The following CDH18 variants were observed in gnomAD, a reference collection of about 807,000 sequenced individuals.
The protein encoded by CDH18 is cadherin-18.
A neutral mutation model predicts 67.9 loss-of-function variants in CDH18; 31 were observed. The observed-to-expected ratio is 0.46, with a 90% CI of 0.34 to 0.62. The LOEUF (loss-of-function observed/expected upper bound fraction) is 0.62, where lower values mean the gene tolerates loss of function less well. CDH18 is among the 20% of genes least tolerant of loss of function. The probability of loss-of-function intolerance (pLI) is 0.01; values close to 1 mark genes in which losing one functional copy is unlikely to be tolerated. For synonymous variants in CDH18, 362 were observed against 347.2 expected (o/e 1.04, Z -0.48); for missense variants, 890 against 975.5 (o/e 0.91, Z 1.17).
At chr5:20,231,170 A>G (rs1394064945) in intron 2 of CDH18, among the ~76,000 whole-genome samples, 1 of 152,194 alleles carries the variant, frequency 6.6e-6, no homozygotes, top group Non-Finnish European at 1.5e-5. Flanking sequence ...TGTATAAGTG[A>G]TAAATTTTAT....
At chr5:20,205,712 C>T (rs1387606250) in intron 2 of CDH18, among the ~76,000 whole-genome samples, 1 of 151,726 alleles carries the variant, frequency 6.6e-6, no homozygotes, top group Non-Finnish European at 1.5e-5. Context: ...CAAAAGGAAA[C>T]TCAGAAACTA....
At position 19,859,989 on chromosome 5, in the gene CDH18, GGTGTGTGTGTGTGT is replaced by G. The variant is rs3065070; in HGVS notation, c.-256-20761_-256-20748del. Among the ~76,000 whole-genome samples, 5 of 143,148 alleles carry G rather than the reference GGTGTGTGTGTGTGT, an allele frequency of 3.5e-5. No homozygotes were observed. In the Admixed American group the frequency reaches 3.5e-4, roughly 10 times the overall value. 93.9% of individuals were successfully genotyped at this position (143,148 alleles called of 152,430 possible). A position where few individuals can be genotyped will look rare whatever the true frequency, so the allele number is the denominator to read the frequency against. On this transcript the variant is annotated intron_variant, in intron 2 of 12. Coordinates refer to ENST00000382275, the MANE Select transcript of CDH18 (RefSeq NM_004934.5). ...CTTATTAATTTACTTGTTTGCTTTG[GGTGTGTGTGTGTGT>G]GTGTGTGTGTGTGTGTGTGTTTAAG...
Position 19,735,996 on chromosome 5 carries a change from G to T in CDH18, c.523+10946C>A, listed in dbSNP as rs138863013. On this transcript the variant is annotated intron_variant, in intron 4 of 12. Coordinates refer to ENST00000382275, the MANE Select transcript of CDH18 (RefSeq NM_004934.5). ...ATTTAATTGGAGGAAAGAATTAAAA[G>T]AATTTTAGAAATAATTGGATGAGAC... Among the ~76,000 whole-genome samples the T allele has an allele frequency of 1.8e-4, 28 of 152,220 alleles. No homozygotes were observed. In the East Asian group the frequency reaches 4.8e-3, roughly 26 times the overall value.
At chr5:19,686,671 C>T (rs1561045912) in intron 5 of CDH18, among the ~76,000 whole-genome samples, 1 of 151,974 alleles carries the variant, frequency 6.6e-6, no homozygotes, top group Non-Finnish European at 1.5e-5. Flanking sequence ...TTTTGTGTTC[C>T]GCAACTGTGG....
intron 2 of CDH18, among the ~76,000 whole-genome samples, chr5:19,851,455 T>C (rs1783685203): frequency 6.7e-6 from 1 of 148,510 alleles, no homozygotes; most frequent in African/African-American, 2.5e-5. Flanking sequence ...AACCCAAAAT[T>C]CCCTTCTTCC....
intron 1 of CDH18, among the ~76,000 whole-genome samples, chr5:20,280,855 C>G (rs1746203778): frequency 6.6e-6 from 1 of 152,194 alleles, no homozygotes; most frequent in South Asian, 2.1e-4. Flanking sequence ...TTCTCCACAT[C>G]CTCTCCAGCA....
At chr5:19,772,763 T>A (rs1472561442) in intron 3 of CDH18, among the ~76,000 whole-genome samples, 1 of 152,230 alleles carries the variant, frequency 6.6e-6, no homozygotes, top group African/African-American at 2.4e-5. Flanking sequence ...AGTAATAGAA[T>A]GTAGATTTGA....
At chr5:20,532,087 T>C (rs781598595) in intron 1 of CDH18, among the ~76,000 whole-genome samples, 54 of 152,074 alleles carry the variant, frequency 3.6e-4, no homozygotes, top group Non-Finnish European at 5.7e-4. Context: ...AAATTCTACC[T>C]TACAAGTTTA....
chr5:20,378,653 T>C (rs1246847694), intron 1 of CDH18, among the ~76,000 whole-genome samples: 1 of 152,094 alleles, frequency 6.6e-6, no homozygotes, highest in African/African-American at 2.4e-5. Context: ...CCAAAAGCAT[T>C]TTGGTATTAA....
At chr5:20,091,577 A>G (rs1431572977) in intron 2 of CDH18, among the ~76,000 whole-genome samples, 1 of 152,168 alleles carries the variant, frequency 6.6e-6, no homozygotes, top group Non-Finnish European at 1.5e-5. Flanking sequence ...TATGGCCATC[A>G]TAATCATTAT....
intron 8 of CDH18, among the ~76,000 whole-genome samples, chr5:19,567,561 C>T (rs1242621085): frequency 1.3e-5 from 2 of 152,060 alleles, no homozygotes; most frequent in African/African-American, 2.4e-5. Flanking sequence ...TATAGGCTTG[C>T]TTTTGTTTTT....
chr5:19,537,345 T>C (rs192792145), intron 9 of CDH18, among the ~76,000 whole-genome samples: 1 of 152,238 alleles, frequency 6.6e-6, no homozygotes, highest in East Asian at 1.9e-4. Flanking sequence ...AGCCAATTTT[T>C]TATAATAAAT....
intron 1 of CDH18, among the ~76,000 whole-genome samples, chr5:20,431,513 G>C (rs1450148424): frequency 7.2e-6 from 1 of 139,598 alleles, no homozygotes; most frequent in Non-Finnish European, 1.6e-5. Flanking sequence ...AAAAGAAGAA[G>C]AAAAGAAGAA....
chr5:19,708,140 A>G (rs1466287317), intron 5 of CDH18, among the ~76,000 whole-genome samples: 1 of 152,238 alleles, frequency 6.6e-6, no homozygotes, highest in Non-Finnish European at 1.5e-5. Context: ...ATAATGAAAA[A>G]GCATCTAGAA....
chr5:20,007,096 G>C (rs1736960695), intron 2 of CDH18, among the ~76,000 whole-genome samples: 2 of 151,584 alleles, frequency 1.3e-5, no homozygotes, highest in African/African-American at 4.8e-5. Context: ...TCATACTAAA[G>C]TAAATAATAA....
rs59909046 is a variant in CDH18, at chr5:20,095,564, GA to G, written c.-517-103551del. Among the ~76,000 whole-genome samples the G allele has an allele frequency of 2.7e-4, 8 of 30,130 alleles. 1 individual carries two copies. The highest frequency in any genetic ancestry group is 4.0e-4 in the Non-Finnish European group (6 of 15,156). The allele number at this position is 30,130 out of a possible 152,430, so 19.8% of individuals were successfully genotyped here. On this transcript the variant is annotated intron_variant, in intron 2 of 14. Transcript: ENST00000507958. ...AAGGAAGGGAAGGAAGGAAAGAAAG[GA>G]AAGAAAGGAAGAAAGGAAGAAAGGA...
intron 1 of CDH18, among the ~76,000 whole-genome samples, chr5:20,425,560 A>G (rs1174372293): frequency 6.6e-6 from 1 of 151,100 alleles, no homozygotes; most frequent in East Asian, 1.9e-4. Flanking sequence ...TACATGTATT[A>G]AGATAGTTCC....
intron 2 of CDH18, among the ~76,000 whole-genome samples, chr5:20,113,712 A>C (rs552025198): frequency 6.6e-6 from 1 of 152,334 alleles, no homozygotes; most frequent in African/African-American, 2.4e-5. Context: ...TAACAGAAAT[A>C]AGAATATAAG....
At chr5:19,918,025 G>A (rs1792021688) in intron 2 of CDH18, among the ~76,000 whole-genome samples, 1 of 152,102 alleles carries the variant, frequency 6.6e-6, no homozygotes, top group African/African-American at 2.4e-5. Flanking sequence ...TTCTTTCTGA[G>A]CATTATTGCT....
Sources: gnomAD v4.1 joint callset for allele counts (sites outside exome capture counted in the v4.1 genomes callset) on GRCh38, gnomAD v4.1.1 for gene constraint, MANE v1.5 for transcripts, NCBI Gene and HGNC (gene_info 2026-07-23, HGNC 2026-07-21) for gene names.